The following WWP1 variants were observed in gnomAD, a reference collection of about 807,000 sequenced individuals.
WWP1 encodes the protein NEDD4-like E3 ubiquitin-protein ligase WWP1.
In WWP1, 49 loss-of-function variants were observed where a neutral mutation model predicts 130.6. The observed-to-expected ratio is 0.38, with a 90% CI of 0.30 to 0.48. The LOEUF (loss-of-function observed/expected upper bound fraction) is 0.48. Ranked by LOEUF, WWP1 falls within the 20% of genes least tolerant of loss-of-function variation. The probability of loss-of-function intolerance (pLI) is 0.99; values close to 1 mark genes in which losing one functional copy is unlikely to be tolerated. For missense variants in WWP1, 809 were observed against 1,100.6 expected (o/e 0.74, Z 3.75); for synonymous variants, 332 against 367.8 (o/e 0.90, Z 1.11).
intron 8 of WWP1, among the ~76,000 whole-genome samples, chr8:86,403,626 A>T (rs141637968): frequency 7.2e-5 from 11 of 152,232 alleles, no homozygotes; most frequent in Admixed American, 3.3e-4. Context: ...ATTTTTACCC[A>T]AGGTTGGTGT....
intron 1 of WWP1, among the ~76,000 whole-genome samples, chr8:86,352,966 G>A (rs1823030160): frequency 6.6e-6 from 1 of 152,164 alleles, no homozygotes; most frequent in Non-Finnish European, 1.5e-5. Context: ...AGTTAAGCTA[G>A]AAGTTATGAT....
intron 11 of WWP1, among the ~76,000 whole-genome samples, chr8:86,428,195 T>C (rs913352164): frequency 1.3e-5 from 2 of 152,214 alleles, no homozygotes; most frequent in African/African-American, 4.8e-5. Context: ...AGAGCCAGTC[T>C]TGCAGTATGC....
intron 7 of WWP1, 116 bp downstream of exon 7, chr8:86,398,754 C>A: frequency 1.9e-6 from 2 of 1,047,174 alleles, no homozygotes; most frequent in Non-Finnish European, 2.8e-6. Flanking sequence ...AAGCTTATGT[C>A]TAAGCATGTC....
intron 3 of WWP1, among the ~76,000 whole-genome samples, chr8:86,378,652 A>G (rs1337584406): frequency 6.6e-6 from 1 of 152,192 alleles, no homozygotes; most frequent in Non-Finnish European, 1.5e-5. Context: ...CACATTATTT[A>G]TATGTACATT....
intron 14 of WWP1, among the ~76,000 whole-genome samples, chr8:86,434,341 G>A (rs1210445696): frequency 6.6e-6 from 1 of 152,112 alleles, no homozygotes; most frequent in Non-Finnish European, 1.5e-5. Context: ...CTCATTCACC[G>A]TGTTCTAGCT....
intron 1 of WWP1, among the ~76,000 whole-genome samples, chr8:86,362,839 C>A (rs1014466630): frequency 6.6e-6 from 1 of 152,090 alleles, no homozygotes; most frequent in Non-Finnish European, 1.5e-5. Context: ...ATTAGTATCT[C>A]AAAAGCACCT....
At chr8:86,449,895 G>A (rs756859494) in intron 20 of WWP1, among the ~76,000 whole-genome samples, 2 of 152,126 alleles carry the variant, frequency 1.3e-5, no homozygotes, top group Non-Finnish European at 2.9e-5. Context: ...ACATTGTGGT[G>A]TATTTTTTTC....
chr8:86,349,256 T>C (rs1586229971), intron 1 of WWP1, among the ~76,000 whole-genome samples: 3 of 152,296 alleles, frequency 2.0e-5, no homozygotes, highest in Admixed American at 6.5e-5. Context: ...TGAGCTCAGG[T>C]GATCTGTCCG....
intron 9 of WWP1, 57 bp downstream of exon 9, chr8:86,411,931 C>T (rs1563508238): frequency 5.6e-6 from 8 of 1,441,372 alleles, no homozygotes; most frequent in East Asian, 2.3e-5. Flanking sequence ...TGTTAACATA[C>T]GATTATTGAA....
chr8:86,454,052 C>T (rs912721357), intron 21 of WWP1, among the ~76,000 whole-genome samples: 23 of 152,036 alleles, frequency 1.5e-4, no homozygotes, highest in African/African-American at 5.3e-4. Flanking sequence ...GCAAGTCTGA[C>T]TAACCTAGGA....
At chr8:86,424,910 T>C (rs968011801) in intron 9 of WWP1, among the ~76,000 whole-genome samples, 1 of 151,214 alleles carries the variant, frequency 6.6e-6, no homozygotes, top group African/African-American at 2.4e-5. Context: ...TCAATTTCTG[T>C]TTTCTGATAA....
intron 24 of WWP1, among the ~76,000 whole-genome samples, 195 bp downstream of exon 24, chr8:86,462,041 A>G (rs1811795301): frequency 6.6e-6 from 1 of 152,238 alleles, no homozygotes; most frequent in African/African-American, 2.4e-5. Context: ...TATTTGAGAA[A>G]TGCATCCAGT....
At chr8:86,395,466 C>CCA (rs1444076539) in intron 5 of WWP1, among the ~76,000 whole-genome samples, 1 of 146,932 alleles carries the variant, frequency 6.8e-6, no homozygotes, top group African/African-American at 2.5e-5. Flanking sequence ...AAACATGAGT[C>CCA]CACAGATTCA....
rs1331586465 is a variant in WWP1, at chr8:86,448,265, TC to T, written c.2119del (p.Ile708SerfsTer3). 1 of 1,580,916 alleles carries T rather than the reference TC, an allele frequency of 6.3e-7. No individual in the cohort carries two copies. Among genetic ancestry groups the T allele is most frequent in the Admixed American group, 2.0e-5 (1 of 48,850 alleles). On this transcript the variant is annotated frameshift_variant, in exon 19 of 25. Transcript: ENST00000517970. LOFTEE classifies it high-confidence loss of function. The part of the protein sequence containing the change: ...LESIDTEFYN[S>X]LIWIRDNNIE... ...ATCTATTGATACTGAATTTTATAACTCCCTTATCTGGATAAGGTTTGAAGAT... is the reference window on the plus strand; with the variant it reads ...ATCTATTGATACTGAATTTTATAACTCCTTATCTGGATAAGGTTTGAAGAT...
chr8:86,449,092 C>T (rs537689259), intron 20 of WWP1, among the ~76,000 whole-genome samples: 46 of 152,080 alleles, frequency 3.0e-4, no homozygotes, highest in Middle Eastern at 3.4e-3. Flanking sequence ...CTCCTTTCCT[C>T]AGCCTCCCAA....
rs193285550 is a variant in WWP1 at position 86,427,188 on chromosome 8, G to A, written c.1158-455G>A. Among the ~76,000 whole-genome samples the A allele has an allele frequency of 1.8e-3, 267 of 151,750 alleles. 3 individuals carry two copies. The highest frequency in any genetic ancestry group is 6.2e-3 in the African/African-American group (255 of 41,428). On this transcript the variant is annotated intron_variant, in intron 10 of 24. Coordinates refer to ENST00000517970, the MANE Select transcript of WWP1 (RefSeq NM_007013.4). ...CAAAAAAAAAAAAAAGAGGGAGAAA[G>A]GATAGCCAGATGATACTAAAACTGT... is the stretch of plus-strand genomic sequence containing the variant.
At chr8:86,385,644 T>C (rs1388863297) in intron 5 of WWP1, among the ~76,000 whole-genome samples, 2 of 152,170 alleles carry the variant, frequency 1.3e-5, no homozygotes, top group African/African-American at 4.8e-5. Context: ...GGTTTAGTGA[T>C]AGTGGGAAAG....
At chr8:86,424,498 A>G (rs916652000) in intron 9 of WWP1, among the ~76,000 whole-genome samples, 1 of 151,802 alleles carries the variant, frequency 6.6e-6, no homozygotes, top group Non-Finnish European at 1.5e-5. Context: ...ACGCCACTGC[A>G]CTCCAGCCTG....
At chr8:86,406,020 G>T (rs1808260214) in intron 8 of WWP1, among the ~76,000 whole-genome samples, 1 of 152,164 alleles carries the variant, frequency 6.6e-6, no homozygotes, top group Non-Finnish European at 1.5e-5. Flanking sequence ...GCTTGAGTAA[G>T]GGGATCCATC....
Sources: gnomAD v4.1 joint callset for allele counts (sites outside exome capture counted in the v4.1 genomes callset) on GRCh38, gnomAD v4.1.1 for gene constraint, MANE v1.5 for transcripts, NCBI Gene and HGNC (gene_info 2026-07-23, HGNC 2026-07-21) for gene names.